The following RFC1 variants were observed in gnomAD, a reference collection of about 807,000 sequenced individuals.
The protein encoded by RFC1 is replication factor C subunit 1, also known as A1 140 kDa subunit.
RFC1 carries 37 observed loss-of-function variants against 137.4 expected under a neutral mutation model. The observed-to-expected ratio is 0.27, with a 90% CI of 0.21 to 0.35. The LOEUF (loss-of-function observed/expected upper bound fraction) is 0.35, where lower values mean the gene tolerates loss of function less well. Ranked by LOEUF, RFC1 falls within the 10% of genes least tolerant of loss-of-function variation. The pLI is 1.00. For missense variants in RFC1, 1,205 were observed against 1,358.5 expected, an observed-to-expected ratio of 0.89 and a Z score of 1.78; for synonymous variants, 429 against 455.7, an observed-to-expected ratio of 0.94 and a Z score of 0.75.
chr4:39,346,433 G>A (rs920844393), intron 2 of RFC1, among the ~76,000 whole-genome samples: 6 of 150,738 alleles, frequency 4.0e-5, no homozygotes, highest in East Asian at 1.9e-4. Flanking sequence ...CCAAGATCGC[G>A]CCATTGCATG....
At chr4:39,348,294 G>A (rs1441481955) in intron 2 of RFC1, among the ~76,000 whole-genome samples, 1 of 150,368 alleles carries the variant, frequency 6.7e-6, no homozygotes, top group Non-Finnish European at 1.5e-5. Flanking sequence ...ATGGTGGCAC[G>A]CGACTATAGT....
chr4:39,337,435 A>AGATGCTACTCAAATAAGTGTGTGTGT (rs1553925751), intron 4 of RFC1, among the ~76,000 whole-genome samples: 1 of 143,602 alleles, frequency 7.0e-6, no homozygotes, highest in East Asian at 2.1e-4. Flanking sequence ...TACTCAAATA[A>AGATGCTACTCAAATAAGTGTGTGTGT]GTGTGTGTGT....
In RFC1 at chr4:39,320,519, G is replaced by A. The variant is rs1428155697; in HGVS notation, c.959C>T (p.Ala320Val). The change falls in exon 9 of 25, where the codon GCA (alanine) becomes GTA (valine). Residue 320 changes from alanine (A) to valine (V), a missense_variant. Physicochemically the swap from Ala to Val is moderately conservative, Grantham distance 64. Coordinates refer to ENST00000349703, the MANE Select transcript of RFC1 (RefSeq NM_002913.5). ...GCTCTCTTCTTTTCTTTTCATAATTGCCAGCTTAGAACTGGCCTTGGGAGA... is the reference window on the plus strand; with the variant it reads ...GCTCTCTTCTTTTCTTTTCATAATTACCAGCTTAGAACTGGCCTTGGGAGA... ...VSSPKASSKL[A>V]IMKRKEESSY... The A allele has an allele frequency of 6.2e-7, 1 of 1,611,448 alleles. No homozygotes were observed. The highest frequency in any genetic ancestry group is 1.1e-5 in the South Asian group (1 of 90,406).
intron 11 of RFC1, among the ~76,000 whole-genome samples, chr4:39,312,270 G>A (rs563799539): frequency 2.1e-4 from 32 of 152,268 alleles, no homozygotes; most frequent in Admixed American, 1.8e-3. Context: ...TTGAGATGCC[G>A]AACTATCCCA....
At chr4:39,304,691 T>C (rs1457336837) in intron 15 of RFC1, 123 bp downstream of exon 15, 1 of 702,520 alleles carries the variant, frequency 1.4e-6, no homozygotes, top group East Asian at 2.5e-5. Flanking sequence ...TCTTATTCTC[T>C]TGTTAGCCCC....
chr4:39,311,338 G>A (rs1738950641), intron 12 of RFC1, 107 bp downstream of exon 12: 1 of 823,242 alleles, frequency 1.2e-6, no homozygotes, highest in African/African-American at 1.7e-5. Context: ...GTGGTAGACA[G>A]GGATGTTAAT....
intron 6 of RFC1, among the ~76,000 whole-genome samples, chr4:39,326,313 G>A (rs529434502): frequency 6.6e-6 from 1 of 152,252 alleles, no homozygotes; most frequent in East Asian, 1.9e-4. Context: ...TGACCTACAG[G>A]ATTTGCTGCT....
rs111403416 is a variant in RFC1 at position 39,341,722 on chromosome 4, T to C, written c.331+623A>G. 573 of 455,454 alleles carry C rather than the reference T, an allele frequency of 1.3e-3. 2 individuals carry two copies. The highest frequency in any genetic ancestry group is 0.01 in the African/African-American group (511 of 50,164). The allele number at this position is 455,454 out of a possible 1,614,324, so 28.2% of individuals were successfully genotyped here. A position where few individuals can be genotyped will look rare whatever the true frequency, so the allele number is the denominator to read the frequency against. ...CTTCACCACTAACTTATCTGAGTTT[T>C]TCTCCTAGGATGACAATATAACTCT... is the stretch of plus-strand genomic sequence containing the variant. On this transcript the variant is annotated intron_variant, in intron 4 of 24. Transcript: ENST00000349703.
At chr4:39,293,882 G>C (rs1360537734) in intron 22 of RFC1, among the ~76,000 whole-genome samples, 1 of 152,186 alleles carries the variant, frequency 6.6e-6, no homozygotes, top group East Asian at 1.9e-4. Flanking sequence ...CCTTGCCAAT[G>C]AGAAGAGCCA....
chr4:39,304,828 T>C lies in RFC1; in HGVS notation c.2096A>G (p.Lys699Arg). The C allele has an allele frequency of 6.2e-7, 1 of 1,604,372 alleles. No individual in the cohort carries two copies. Among genetic ancestry groups the C allele is most frequent in the Non-Finnish European group, 8.5e-7 (1 of 1,171,204 alleles). The stretch of plus-strand genomic sequence containing the variant: ...AAGCCACATACTTGAATAAAAGCCT[T>C]TGATGCTGGTATTGTTCAGTGACTC... ...VAESLNNTSIKGFYSNGAASS... is the reference protein window; with the variant it reads ...VAESLNNTSIRGFYSNGAASS... Residue 699 changes from lysine (K) to arginine (R), a missense_variant, in exon 15 of 25, where the codon AAA (lysine) becomes AGA (arginine). Around this residue, in one of 3 missense-constraint regions of RFC1, gnomAD observed 962 missense variants for 1,035.3 expected, o/e 0.93. Coordinates refer to ENST00000349703, the MANE Select transcript of RFC1 (RefSeq NM_002913.5).
At chr4:39,366,009 A>G (rs1742007382) in intron 1 of RFC1, among the ~76,000 whole-genome samples, 1 of 152,106 alleles carries the variant, frequency 6.6e-6, no homozygotes, top group Admixed American at 6.5e-5. Context: ...GTGCAAGTAC[A>G]CGTAGCAACA....
intron 4 of RFC1, among the ~76,000 whole-genome samples, chr4:39,333,242 A>G (rs893168718): frequency 6.6e-6 from 1 of 152,164 alleles, no homozygotes; most frequent in African/African-American, 2.4e-5. Flanking sequence ...ATTATACACA[A>G]TATTGGTAAA....
At chr4:39,340,238 G>C (rs1395682414) in intron 4 of RFC1, among the ~76,000 whole-genome samples, 1 of 152,112 alleles carries the variant, frequency 6.6e-6, no homozygotes, top group Non-Finnish European at 1.5e-5. Flanking sequence ...GAATACAGAA[G>C]ATAGGAAAAG....
At chr4:39,302,203 C>G in intron 19 of RFC1, 75 bp downstream of exon 19, 2 of 889,292 alleles carry the variant, frequency 2.2e-6, no homozygotes, top group Non-Finnish European at 3.8e-6. Flanking sequence ...ATAATAACTA[C>G]TTCTATCAAG....
chr4:39,346,238 A>T (rs1275153268), intron 2 of RFC1, among the ~76,000 whole-genome samples: 1 of 152,238 alleles, frequency 6.6e-6, no homozygotes, highest in Non-Finnish European at 1.5e-5. Context: ...ACACTTTGGG[A>T]GGCCGAGGCG....
intron 3 of RFC1, among the ~76,000 whole-genome samples, chr4:39,344,957 C>A (rs1740775260): frequency 6.6e-6 from 1 of 152,156 alleles, no homozygotes; most frequent in African/African-American, 2.4e-5. Flanking sequence ...GCCCTCTTCT[C>A]ACAGGACTTA....
chr4:39,362,447 TC>T (rs1336963366), intron 1 of RFC1, among the ~76,000 whole-genome samples: 1 of 152,100 alleles, frequency 6.6e-6, no homozygotes, highest in East Asian at 1.9e-4. Context: ...GATATATAGA[TC>T]AATGGAACAG....
At position 39,311,654 on chromosome 4, in the gene RFC1, C is replaced by CATTCGTAA. The variant is rs1347340750; in HGVS notation, c.1384-113_1384-106dup. 3 of 660,716 alleles carry CATTCGTAA rather than the reference C, an allele frequency of 4.5e-6. No homozygotes were observed. In the African/African-American group the frequency reaches 5.6e-5, roughly 12 times the overall value. The allele number at this position is 660,716 out of a possible 1,614,324, so 40.9% of individuals were successfully genotyped here. ...GGGCCTATTAGTAGGTGAAAAACCACATTCGTAAATTAAGATAACACTGGA... is the reference window on the plus strand; with the variant it reads ...GGGCCTATTAGTAGGTGAAAAACCACATTCGTAAATTCGTAAATTAAGATAACACTGGA... On this transcript the variant is annotated intron_variant, in intron 11 of 24. Transcript: ENST00000349703.
intron 4 of RFC1, among the ~76,000 whole-genome samples, chr4:39,337,510 ATC>A: frequency 6.6e-6 from 1 of 151,484 alleles, no homozygotes; most frequent in Non-Finnish European, 1.5e-5. Flanking sequence ...ATTAATTTAA[ATC>A]TCTCATCTTC....
Sources: allele counts gnomAD v4.1 joint callset (sites outside exome capture counted in the v4.1 genomes callset), GRCh38; gene constraint gnomAD v4.1.1; regional missense constraint gnomAD v4.1.1; transcripts MANE v1.5; gene names NCBI Gene and HGNC (gene_info 2026-07-23, HGNC 2026-07-21).